TMIE: variants seen among roughly 807,000 people sequenced by gnomAD.
The protein encoded by TMIE is transmembrane inner ear expressed protein.
In TMIE, 14 loss-of-function variants were observed where a neutral mutation model predicts 16.8. That is an observed-to-expected ratio of 0.83 (90% CI 0.55 to 1.30). The LOEUF is 1.30. Among genes scored for constraint, TMIE ranks in the 50% most tolerant of loss-of-function variants. TMIE has a pLI of 0.00. For synonymous variants in TMIE, 75 were observed against 87.2 expected (o/e 0.86, Z 0.78); for missense variants, 204 against 205.9 (o/e 0.99, Z 0.06).
At chr3:46,705,486 G>A (rs1343343335) in intron 1 of TMIE, among the ~76,000 whole-genome samples, 1 of 152,222 alleles carries the variant, frequency 6.6e-6, no homozygotes, top group Non-Finnish European at 1.5e-5. Context: ...ACTGGAGTAG[G>A]AGGGTGTGTT....
Position 46,709,568 on chromosome 3 carries a change from C to T in TMIE, c.362-11C>T, listed in dbSNP as rs760986862. Reference sequence around the variant, plus strand: ...ACCACTATCACATGGTCTCTTCCCCCTGCCCCACAGAGGATAAGAAGAAGA... The same window carrying T: ...ACCACTATCACATGGTCTCTTCCCCTTGCCCCACAGAGGATAAGAAGAAGA... On this transcript the variant is annotated splice_polypyrimidine_tract_variant and intron_variant, in intron 3 of 3. Transcript: ENST00000643606. 3.0e-5 allele frequency: 48 copies of T among 1,599,578 alleles called. No individual in the cohort carries two copies. The highest frequency in any genetic ancestry group is 4.2e-6 in the Non-Finnish European group (5 of 1,176,726).
At chr3:46,702,654 G>T (rs1408906884) in intron 1 of TMIE, among the ~76,000 whole-genome samples, 1 of 152,142 alleles carries the variant, frequency 6.6e-6, no homozygotes, top group Non-Finnish European at 1.5e-5. Flanking sequence ...TGGGGGCTTG[G>T]GGACAGTGTG....
chr3:46,695,159 C>T (rs558582707), intron 1 of TMIE, among the ~76,000 whole-genome samples: 4 of 152,294 alleles, frequency 2.6e-5, no homozygotes, highest in African/African-American at 9.6e-5. Context: ...GCACTTGGCT[C>T]CCTGAGTCTA....
chr3:46,708,338 T>G (rs1700577166), intron 2 of TMIE, among the ~76,000 whole-genome samples: 1 of 152,114 alleles, frequency 6.6e-6, no homozygotes, highest in African/African-American at 2.4e-5. Flanking sequence ...TGCCAGGAAG[T>G]TATGTCTGGT....
At chr3:46,706,963 G>A (rs12491225) in intron 2 of TMIE, among the ~76,000 whole-genome samples, 69,658 of 152,132 alleles carry the variant, frequency 0.46, 17,384 homozygotes, top group Non-Finnish European at 0.56. Flanking sequence ...CAAGGAAGAC[G>A]TGACATCTGA....
upstream of TMIE, among the ~76,000 whole-genome samples, chr3:46,694,343 A>G (rs1168158868): frequency 6.6e-6 from 1 of 152,138 alleles, no homozygotes; most frequent in Admixed American, 6.5e-5. Flanking sequence ...GGGTGGCTGA[A>G]GACTTATCTG....
chr3:46,709,509 C>T (rs946339386), intron 3 of TMIE, 70 bp from the exon 4 acceptor site: 17 of 1,613,504 alleles, frequency 1.1e-5, no homozygotes, highest in Non-Finnish European at 1.4e-5. Context: ...GGGGCTCTTC[C>T]CCTCAGGACA....
upstream of TMIE, among the ~76,000 whole-genome samples, chr3:46,700,469 G>A (rs1392951778): frequency 6.6e-6 from 1 of 152,166 alleles, no homozygotes; most frequent in East Asian, 1.9e-4. Flanking sequence ...TGCCCCTGGT[G>A]ATAAGGGTTC....
intron 1 of TMIE, among the ~76,000 whole-genome samples, chr3:46,695,199 G>A (rs1181059839): frequency 6.6e-6 from 1 of 152,242 alleles, no homozygotes; most frequent in African/African-American, 2.4e-5. Context: ...CACCGCCCCA[G>A]CAGGTGGAAT....
rs1575470921 is a variant in TMIE, at chr3:46,710,169, G to A, written c.*481G>A. 1 of 239,616 alleles carries A rather than the reference G, an allele frequency of 4.2e-6. No homozygotes were observed. The allele number at this position is 239,616 out of a possible 1,614,324, so 14.8% of individuals were successfully genotyped here. Reference sequence around the variant, plus strand: ...TCACTGGGGGACACTGTGGCAGCAGGAGGGACTCTGTCTGGCCAGGGAGGA... The same window carrying A: ...TCACTGGGGGACACTGTGGCAGCAGAAGGGACTCTGTCTGGCCAGGGAGGA... On this transcript the variant is annotated 3_prime_UTR_variant, in exon 4 of 4. Transcript: ENST00000643606.
Position 46,708,972 on chromosome 3 carries a change from C to T in TMIE, c.212-154C>T, listed in dbSNP as rs578024468. Among the ~76,000 whole-genome samples the T allele has an allele frequency of 1.6e-3, 242 of 152,304 alleles. 3 individuals are homozygous for T. The highest frequency in any genetic ancestry group is 2.2e-4 in the Non-Finnish European group (15 of 68,032). On this transcript the variant is annotated intron_variant, in intron 2 of 3. Transcript: ENST00000643606. ...AAAGCCACCTTGGTCATCATAGGGTCCACAGGGGTTTTGTCAAGATGCTGA... is the reference window on the plus strand; with the variant it reads ...AAAGCCACCTTGGTCATCATAGGGTTCACAGGGGTTTTGTCAAGATGCTGA...
upstream of TMIE, among the ~76,000 whole-genome samples, chr3:46,699,897 A>G (rs1700449701): frequency 2.0e-5 from 3 of 152,186 alleles, no homozygotes; most frequent in Admixed American, 2.0e-4. Context: ...CACCCTCCCC[A>G]TGCCATGGAT....
rs772168758 is a variant in TMIE at position 46,709,685 on chromosome 3, A to G, written c.468A>G (p.Lys156=). 6 of 1,613,136 alleles carry G rather than the reference A, an allele frequency of 3.7e-6. No individual in the cohort carries two copies. Among genetic ancestry groups the G allele is most frequent in the South Asian group, 1.1e-5 (1 of 91,064 alleles). ...AGGCCAAGAAGAAGAAAGGAGAGAA[A>G]TGAAGACATCCTGGGCAGCTTGGGC... The part of the protein sequence containing the change: ...KNEAKKKKGE[K] Residue 156 remains lysine (K), a synonymous_variant, in exon 4 of 4, where the codon AAA becomes AAG. Coordinates refer to ENST00000643606, the MANE Select transcript of TMIE (RefSeq NM_147196.3).
chr3:46,705,147 T>C (rs369661178), intron 1 of TMIE, among the ~76,000 whole-genome samples: 69 of 152,308 alleles, frequency 4.5e-4, no homozygotes, highest in Middle Eastern at 6.8e-3. Context: ...GGCTGTGCTC[T>C]ATTCAGGCTT....
chr3:46,709,672 AGAAAG>A lies in TMIE; in HGVS notation c.458_462del (p.Lys153ArgfsTer117), dbSNP rs1349277131. 6.2e-7 allele frequency: 1 copy of A among 1,614,046 alleles called. No homozygotes were observed. The highest frequency in any genetic ancestry group is 2.2e-5 in the East Asian group (1 of 44,856). ...GATGAGAAGAATGAGGCCAAGAAGAAGAAAGGAGAGAAATGAAGACATCCTGGGCA... is the reference window on the plus strand; with the variant it reads ...GATGAGAAGAATGAGGCCAAGAAGAAGAGAGAAATGAAGACATCCTGGGCA... On this transcript the variant is annotated frameshift_variant, in exon 4 of 4. Coordinates refer to ENST00000643606, the MANE Select transcript of TMIE (RefSeq NM_147196.3). LOFTEE classifies it high-confidence loss of function.
chr3:46,709,294 G>T lies in TMIE; in HGVS notation c.361+19G>T. On this transcript the variant is annotated intron_variant, in intron 3 of 3. Transcript: ENST00000643606. ...CCAGGAGGTGAGTTGGCCCTGGCTT[G>T]AGCCCTGCTGCGCCAGCCAGTTCCT... 6.2e-7 allele frequency: 1 copy of T among 1,613,636 alleles called. No individual in the cohort carries two copies. Among genetic ancestry groups the T allele is most frequent in the South Asian group, 1.1e-5 (1 of 91,070 alleles).
At chr3:46,708,072 T>C (rs1700575136) in intron 2 of TMIE, among the ~76,000 whole-genome samples, 1 of 152,206 alleles carries the variant, frequency 6.6e-6, no homozygotes, top group Admixed American at 6.5e-5. Context: ...GCTCCCCAAT[T>C]CATTCACTCT....
At chr3:46,705,375 T>A (rs998596962) in intron 1 of TMIE, among the ~76,000 whole-genome samples, 1 of 152,064 alleles carries the variant, frequency 6.6e-6, no homozygotes, top group Non-Finnish European at 1.5e-5. Context: ...CCACCCTCAC[T>A]GGGGAGATGT....
chr3:46,709,043 G>A, intron 2 of TMIE, 83 bp from the exon 3 acceptor site: 2 of 1,575,788 alleles, frequency 1.3e-6, no homozygotes, highest in Non-Finnish European at 1.7e-6. Context: ...GGGTGGATGG[G>A]GGCGGGCCTG....
Sources: gnomAD v4.1 joint callset for allele counts (sites outside exome capture counted in the v4.1 genomes callset) on GRCh38, gnomAD v4.1.1 for gene constraint, MANE v1.5 for transcripts, NCBI Gene and HGNC (gene_info 2026-07-23, HGNC 2026-07-21) for gene names.